The following HCN2 variants were observed in gnomAD, a reference collection of about 807,000 sequenced individuals.
The protein encoded by HCN2 is potassium/sodium hyperpolarization-activated cyclic nucleotide-gated channel 2.
A neutral mutation model predicts 52.3 loss-of-function variants in HCN2; 20 were observed. The observed-to-expected ratio is 0.38, with a 90% CI of 0.27 to 0.56. HCN2 has a LOEUF of 0.56. Among genes scored for constraint, HCN2 ranks in the 20% least tolerant of loss-of-function variants. The pLI is 0.71. For missense variants in HCN2, 981 were observed against 1,207.7 expected, an observed-to-expected ratio of 0.81 and a Z score of 2.78; for synonymous variants, 694 against 537.0, an observed-to-expected ratio of 1.29 and a Z score of -4.04.
chr19:613,555 G>GGGGCTGGGGCCA (rs1983740114), intron 6 of HCN2, 67 bp downstream of exon 6: 1 of 529,772 alleles, frequency 1.9e-6, no homozygotes. Context: ...GCAGAGCCAG[G>GGGGCTGGGGCCA]GGGCCGGGGC....
At chr19:605,018 C>CG (rs1983374166) in intron 2 of HCN2, 43 bp from the exon 3 acceptor site, 5 of 1,254,158 alleles carry the variant, frequency 4.0e-6, no homozygotes, top group Admixed American at 2.4e-5. Context: ...AGGTGGGGGC[C>CG]GGGGGTCAGC....
rs1479244770 is a variant in HCN2, at chr19:613,104, A to G, written c.1585-144A>G. 3.6e-6 allele frequency: 4 copies of G among 1,108,346 alleles called. No homozygotes were observed. The South Asian group carries it at 4.8e-5, about 13-fold the overall frequency. The allele number at this position is 1,108,346 out of a possible 1,614,324, so 68.7% of individuals were successfully genotyped here. Reference sequence around the variant, plus strand: ...TTTTCTTTCTCCCGTCCTTGGCGGCAGCAGCTCGGTTCCGGCTACGGGGCT... The same window carrying G: ...TTTTCTTTCTCCCGTCCTTGGCGGCGGCAGCTCGGTTCCGGCTACGGGGCT... On this transcript the variant is annotated intron_variant, in intron 5 of 7. Coordinates refer to ENST00000251287, the MANE Select transcript of HCN2 (RefSeq NM_001194.4).
Position 616,672 on chromosome 19 carries a change from C to T in HCN2, c.*198C>T, listed in dbSNP as rs916290337. ...CCCCGGCCGTCCCCCCTCATCGCCC[C>T]GCGCCCACCCCCATCGCCCCTGCCC... On this transcript the variant is annotated 3_prime_UTR_variant, in exon 8 of 8. Coordinates refer to ENST00000251287, the MANE Select transcript of HCN2 (RefSeq NM_001194.4). 7.7e-5 allele frequency: 19 copies of T among 245,230 alleles called. No homozygotes were observed. Among genetic ancestry groups the T allele is most frequent in the African/African-American group, 3.0e-4 (13 of 43,412 alleles). 15.2% of individuals were successfully genotyped at this position (245,230 alleles called of 1,614,324 possible).
In HCN2 at chr19:590,624, C is replaced by G; in HGVS notation, c.632+47C>G. The G allele has an allele frequency of 1.6e-6, 2 of 1,275,036 alleles. No homozygotes were observed. Among genetic ancestry groups the G allele is most frequent in the Non-Finnish European group, 2.0e-6 (2 of 998,176 alleles). The allele number at this position is 1,275,036 out of a possible 1,614,324, so 79.0% of individuals were successfully genotyped here. On this transcript the variant is annotated intron_variant, in intron 1 of 7. Transcript: ENST00000251287. The surrounding 1 kb of genome is among the most constrained non-coding windows in gnomAD (Gnocchi z 7.2). The stretch of plus-strand genomic sequence containing the variant: ...GTCGGCGCGAGGGGGCCCGGGGAGC[C>G]GGGCGCGCGGGGAGCCGTCCTTGGA...
At chr19:595,836 G>A (rs1232413178) in intron 1 of HCN2, among the ~76,000 whole-genome samples, 3 of 152,218 alleles carry the variant, frequency 2.0e-5, no homozygotes, top group Non-Finnish European at 4.4e-5. Context: ...CCGGCCCGAG[G>A]CTCTCCCTTA....
rs548918256 is a variant in HCN2 at position 605,304 on chromosome 19, A to G, written c.1218+82A>G. The G allele has an allele frequency of 5.1e-6, 7 of 1,362,348 alleles. 1 individual carries two copies. The African/African-American group carries it at 8.5e-5, about 17-fold the overall frequency. The allele number at this position is 1,362,348 out of a possible 1,614,324, so 84.4% of individuals were successfully genotyped here. A position where few individuals can be genotyped will look rare whatever the true frequency, so the allele number is the denominator to read the frequency against. ...ACCCAGGCCCCCTTATCCCGCTTACAGAGGGTTGAACCCAAGCCTTTCAGA... is the reference window on the plus strand; with the variant it reads ...ACCCAGGCCCCCTTATCCCGCTTACGGAGGGTTGAACCCAAGCCTTTCAGA... On this transcript the variant is annotated intron_variant, in intron 3 of 7. Coordinates refer to ENST00000251287, the MANE Select transcript of HCN2 (RefSeq NM_001194.4).
intron 5 of HCN2, among the ~76,000 whole-genome samples, chr19:610,769 C>T (rs760922844): frequency 7.9e-5 from 12 of 152,164 alleles, no homozygotes; most frequent in East Asian, 1.9e-4. Flanking sequence ...CAGCTCTGTT[C>T]CGGTAGCCTG....
chr19:608,030 G>C lies in HCN2; in HGVS notation c.1285G>C (p.Gly429Arg). The change falls in exon 4 of 8, where the codon GGG (glycine) becomes CGG (arginine). Residue 429 changes from glycine to arginine, a missense_variant. This residue lies in a region of HCN2 where 282 missense variants were observed against 553.8 expected (regional missense o/e 0.51). Coordinates refer to ENST00000251287, the MANE Select transcript of HCN2 (RefSeq NM_001194.4). ...FKAMSHMLCI[G>R]YGRQAPESMT... ...GGCCATGAGCCACATGCTGTGCATC[G>C]GGTACGGCCGGCAGGCGCCCGAGAG... 1 of 1,613,076 alleles carries C rather than the reference G, an allele frequency of 6.2e-7. No individual in the cohort carries two copies. The highest frequency in any genetic ancestry group is 8.5e-7 in the Non-Finnish European group (1 of 1,180,022).
chr19:613,794 C>T (rs1486967926), intron 6 of HCN2, 58 bp from the exon 7 acceptor site: 6 of 1,425,350 alleles, frequency 4.2e-6, no homozygotes, highest in African/African-American at 3.1e-5. Flanking sequence ...TGTGCCTGGG[C>T]GGGGAGGGCC....
chr19:615,711 A>C (rs1600542164), intron 7 of HCN2, 84 bp from the exon 8 acceptor site: 4 of 1,374,882 alleles, frequency 2.9e-6, no homozygotes, highest in Non-Finnish European at 3.1e-6. Flanking sequence ...CTGTGTGCGC[A>C]CCCGCGGTGC....
intron 1 of HCN2, 52 bp from the exon 2 acceptor site, chr19:603,492 G>A (rs1255825713): frequency 8.9e-6 from 13 of 1,455,500 alleles, no homozygotes; most frequent in Middle Eastern, 2.0e-4. Flanking sequence ...GGCTGGTCCC[G>A]CAGGTGCCCC....
Position 614,031 on chromosome 19 carries a change from G to T in HCN2, c.1990+15G>T, listed in dbSNP as rs371811084. On this transcript the variant is annotated intron_variant, in intron 7 of 7. Transcript: ENST00000251287. ...GGACCGCATCGGTGAGCGGGCCGGG[G>T]GCGTGGCCGGGGCGGGTGCCCTGGC... 257 of 1,557,736 alleles carry T rather than the reference G, an allele frequency of 1.6e-4. 1 individual carries two copies. Among genetic ancestry groups the T allele is most frequent in the Middle Eastern group, 1.6e-3 (7 of 4,414 alleles).
chr19:616,290 A>G lies in HCN2; in HGVS notation c.2486A>G (p.His829Arg). 1.9e-6 allele frequency: 2 copies of G among 1,076,042 alleles called. No homozygotes were observed. Among genetic ancestry groups the G allele is most frequent in the African/African-American group, 1.7e-5 (1 of 58,046 alleles). 66.7% of individuals were successfully genotyped at this position (1,076,042 alleles called of 1,614,324 possible). The change falls in exon 8 of 8, where the codon CAC becomes CGC. Residue 829 changes from histidine to arginine, a missense_variant. His to Arg is a conservative substitution (Grantham distance 29, BLOSUM62 0). This residue lies in a region of HCN2 where 368 missense variants were observed against 314.8 expected (regional missense o/e 1.17). Transcript: ENST00000251287. Reference protein sequence around the residue: ...PLSASQPSLPHGAPGPAASTR... With the variant: ...PLSASQPSLPRGAPGPAASTR... ...TCCGCCTCGCAGCCCTCGCTGCCTC[A>G]CGGCGCCCCCGGCCCCGCGGCCTCC...
intron 2 of HCN2, 48 bp from the exon 3 acceptor site, chr19:605,013 G>A (rs750424844): frequency 1.1e-5 from 17 of 1,574,972 alleles, no homozygotes; most frequent in South Asian, 7.9e-5. Context: ...TCTGAAGGTG[G>A]GGGCCGGGGG....
chr19:590,818 C>T lies in HCN2; in HGVS notation c.632+241C>T, dbSNP rs1360275771. ...GCCCCCCTCCCACGCACCCCGACAT[C>T]CTCCGCCCTGCGGCGCGGCGGGTGG... On this transcript the variant is annotated intron_variant, in intron 1 of 7. Transcript: ENST00000251287. The surrounding 1 kb of genome is among the most constrained non-coding windows in gnomAD (Gnocchi z 7.2). 3.7e-6 allele frequency: 1 copy of T among 273,706 alleles called. No individual in the cohort carries two copies. Among genetic ancestry groups the T allele is most frequent in the Non-Finnish European group, 6.8e-6 (1 of 146,534 alleles). The allele number at this position is 273,706 out of a possible 1,614,324, so 17.0% of individuals were successfully genotyped here. A position where few individuals can be genotyped will look rare whatever the true frequency, so the allele number is the denominator to read the frequency against.
At chr19:604,636 C>CTG (rs1983342662) in intron 2 of HCN2, among the ~76,000 whole-genome samples, 1 of 90,040 alleles carries the variant, frequency 1.1e-5, no homozygotes, top group Non-Finnish European at 2.2e-5. Context: ...CGGGGTCAGG[C>CTG]AGCAAGGGCG....
At chr19:614,096 GACAGTGGC>G in intron 7 of HCN2, 80 bp downstream of exon 7, 1 of 683,580 alleles carries the variant, frequency 1.5e-6, no homozygotes, top group Non-Finnish European at 2.0e-6. Flanking sequence ...GAGTGGCTTG[GACAGTGGC>G]AGGGGGAAGG....
At chr19:608,432 G>T (rs768412106) in intron 4 of HCN2, among the ~76,000 whole-genome samples, 1 of 152,174 alleles carries the variant, frequency 6.6e-6, no homozygotes, top group Non-Finnish European at 1.5e-5. Context: ...CCTTCACTCA[G>T]CTTCAAGTGG....
chr19:608,748 G>A (rs1339588273), intron 4 of HCN2, among the ~76,000 whole-genome samples: 1 of 152,124 alleles, frequency 6.6e-6, no homozygotes, highest in Non-Finnish European at 1.5e-5. Context: ...GGATGGGGCT[G>A]GGTTAGGGAA....
Sources: allele counts gnomAD v4.1 joint callset (sites outside exome capture counted in the v4.1 genomes callset), GRCh38; gene constraint gnomAD v4.1.1; regional missense constraint gnomAD v4.1.1; non-coding constraint Gnocchi (gnomAD v3.1); transcripts MANE v1.5; gene names NCBI Gene and HGNC (gene_info 2026-07-23, HGNC 2026-07-21).